EXOC6B: variants seen among roughly 807,000 people sequenced by gnomAD.
EXOC6B encodes the protein SEC15 homolog B.
Under a neutral mutation model 113.5 loss-of-function variants are expected in EXOC6B, and 54 were observed. The ratio of observed to expected loss-of-function variants is 0.48; its 90% CI spans 0.38 to 0.60. EXOC6B has a LOEUF of 0.60. EXOC6B is among the 20% of genes least tolerant of loss of function. EXOC6B has a pLI of 0.00. For missense variants in EXOC6B, 797 were observed against 977.5 expected (o/e 0.82, Z 2.46); for synonymous variants, 357 against 339.0 (o/e 1.05, Z -0.58).
chr2:72,600,977 C>T (rs1476406178), intron 6 of EXOC6B, among the ~76,000 whole-genome samples: 1 of 151,758 alleles, frequency 6.6e-6, no homozygotes, highest in Non-Finnish European at 1.5e-5. Context: ...AAGGATTCAA[C>T]GAATACCTCA....
At chr2:72,390,459 A>G (rs1377536213) in intron 18 of EXOC6B, among the ~76,000 whole-genome samples, 3 of 152,138 alleles carry the variant, frequency 2.0e-5, no homozygotes, top group Non-Finnish European at 2.9e-5. Context: ...TTCTTGGCAT[A>G]TCTAGCAAAT....
intron 6 of EXOC6B, among the ~76,000 whole-genome samples, chr2:72,588,719 C>T (rs2103915797): frequency 6.6e-6 from 1 of 151,978 alleles, no homozygotes; most frequent in African/African-American, 2.4e-5. Flanking sequence ...ATCCTTAGCC[C>T]TTTGAAAATT....
At chr2:72,285,227 A>G (rs1465984927) in intron 20 of EXOC6B, among the ~76,000 whole-genome samples, 1 of 152,124 alleles carries the variant, frequency 6.6e-6, no homozygotes, top group African/African-American at 2.4e-5. Context: ...CTTACTATAA[A>G]GCTATAGTAA....
chr2:72,533,940 A>C (rs2105764855), intron 8 of EXOC6B, among the ~76,000 whole-genome samples: 1 of 152,290 alleles, frequency 6.6e-6, no homozygotes, highest in Non-Finnish European at 1.5e-5. Context: ...CTTTGATCCA[A>C]GTTTTGCCAG....
In EXOC6B at chr2:72,618,109, C is replaced by T. The variant is rs192208082; in HGVS notation, c.670-42441G>A. Reference sequence around the variant, plus strand: ...TTCGGCCAGGTCCAATGGCTCACACCTGTAATCCCAGCACTTTGGGAGATA... The same window carrying T: ...TTCGGCCAGGTCCAATGGCTCACACTTGTAATCCCAGCACTTTGGGAGATA... On this transcript the variant is annotated intron_variant, in intron 6 of 21. Transcript: ENST00000272427. Among the ~76,000 whole-genome samples the T allele has an allele frequency of 2.0e-3, 306 of 152,158 alleles. 1 individual carries two copies. In the Middle Eastern group the frequency reaches 0.024, roughly 12 times the overall value.
intron 20 of EXOC6B, among the ~76,000 whole-genome samples, chr2:72,200,573 C>G (rs541105469): frequency 6.6e-6 from 1 of 151,994 alleles, no homozygotes; most frequent in Admixed American, 6.6e-5. Flanking sequence ...AATGATAGAC[C>G]GTGAGGAATT....
chr2:72,508,163 C>CAAAA (rs67586747), intron 11 of EXOC6B, among the ~76,000 whole-genome samples: 8 of 57,522 alleles, frequency 1.4e-4, no homozygotes, highest in African/African-American at 9.1e-4. Context: ...ATATTACCCG[C>CAAAA]AAAAAAAAAA....
At chr2:72,737,123 G>A (rs1052723961) in intron 2 of EXOC6B, among the ~76,000 whole-genome samples, 1 of 151,886 alleles carries the variant, frequency 6.6e-6, no homozygotes, top group Non-Finnish European at 1.5e-5. Context: ...GATCACTTGA[G>A]GACAGGAGTT....
At chr2:72,451,019 G>C (rs1365362495) in intron 18 of EXOC6B, among the ~76,000 whole-genome samples, 1 of 152,118 alleles carries the variant, frequency 6.6e-6, no homozygotes, top group African/African-American at 2.4e-5. Context: ...TGTACCCTAG[G>C]GAACCGATAC....
chr2:72,186,917 G>A (rs1201875491), intron 20 of EXOC6B, among the ~76,000 whole-genome samples: 1 of 152,202 alleles, frequency 6.6e-6, no homozygotes, highest in Non-Finnish European at 1.5e-5. Context: ...CTTTGCCTGA[G>A]TTTTGCTCTG....
At chr2:72,252,304 T>C (rs2104550524) in intron 20 of EXOC6B, among the ~76,000 whole-genome samples, 1 of 152,308 alleles carries the variant, frequency 6.6e-6, no homozygotes, top group East Asian at 1.9e-4. Flanking sequence ...TGTGTGTGTG[T>C]GTGTTTGGGG....
intron 6 of EXOC6B, among the ~76,000 whole-genome samples, chr2:72,641,211 G>A (rs1673201163): frequency 6.6e-6 from 1 of 152,188 alleles, no homozygotes; most frequent in Non-Finnish European, 1.5e-5. Context: ...ATTGGGACTG[G>A]TTGGACAGTG....
At chr2:72,564,691 T>G (rs1449466606) in intron 7 of EXOC6B, among the ~76,000 whole-genome samples, 1 of 152,162 alleles carries the variant, frequency 6.6e-6, no homozygotes, top group South Asian at 2.1e-4. Context: ...GTAGAATTCA[T>G]TTGGATATGA....
intron 20 of EXOC6B, among the ~76,000 whole-genome samples, chr2:72,284,794 G>A (rs1048530149): frequency 1.3e-5 from 2 of 151,870 alleles, no homozygotes; most frequent in African/African-American, 4.8e-5. Context: ...AGGATACAAG[G>A]TTAATATACA....
intron 20 of EXOC6B, among the ~76,000 whole-genome samples, chr2:72,249,773 C>T (rs1682891762): frequency 6.6e-6 from 1 of 152,034 alleles, no homozygotes; most frequent in African/African-American, 2.4e-5. Context: ...GTCAATGGTA[C>T]AGGAAAAAAA....
chr2:72,214,702 CTTCT>C (rs1221837922), intron 20 of EXOC6B, among the ~76,000 whole-genome samples: 1 of 152,136 alleles, frequency 6.6e-6, no homozygotes, highest in Non-Finnish European at 1.5e-5. Flanking sequence ...CACTTGCAGG[CTTCT>C]TTCTTTAAGA....
chr2:72,508,451 G>A (rs748244441), intron 11 of EXOC6B, among the ~76,000 whole-genome samples: 1 of 151,930 alleles, frequency 6.6e-6, no homozygotes, highest in Admixed American at 6.6e-5. Context: ...TTAAAAAGAC[G>A]ATTTAAGAGG....
intron 6 of EXOC6B, among the ~76,000 whole-genome samples, chr2:72,630,271 G>T (rs1672306195): frequency 1.3e-5 from 2 of 152,020 alleles, no homozygotes; most frequent in South Asian, 4.2e-4. Flanking sequence ...CATGCTCTCT[G>T]GATCTCCTAA....
intron 1 of EXOC6B, among the ~76,000 whole-genome samples, chr2:72,812,848 C>G (rs1310911851): frequency 6.6e-6 from 1 of 151,870 alleles, no homozygotes; most frequent in Non-Finnish European, 1.5e-5. Context: ...TATAGCTACA[C>G]CAATAAAGAC....
Sources: gnomAD v4.1 joint callset for allele counts (sites outside exome capture counted in the v4.1 genomes callset) on GRCh38, gnomAD v4.1.1 for gene constraint, MANE v1.5 for transcripts, NCBI Gene and HGNC (gene_info 2026-07-23, HGNC 2026-07-21) for gene names.